GRM7: variants seen among roughly 807,000 people sequenced by gnomAD.
GRM7 encodes the protein glutamate metabotropic receptor 7, also known as metabotropic glutamate receptor 7.
Under a neutral mutation model 84.5 loss-of-function variants are expected in GRM7, and 35 were observed. That is an observed-to-expected ratio of 0.41 (90% CI 0.32 to 0.55). The LOEUF (loss-of-function observed/expected upper bound fraction) is 0.55. Among genes scored for constraint, GRM7 ranks in the 20% least tolerant of loss-of-function variants. The pLI, the probability that GRM7 is intolerant of heterozygous loss-of-function variation, is 0.19. For synonymous variants in GRM7, 487 were observed against 455.1 expected, an observed-to-expected ratio of 1.07 and a Z score of -0.89; for missense variants, 1,003 against 1,194.6, an observed-to-expected ratio of 0.84 and a Z score of 2.36.
chr3:7,701,772 G>A (rs1248442625), intron 9 of GRM7, among the ~76,000 whole-genome samples: 2 of 152,158 alleles, frequency 1.3e-5, no homozygotes, highest in South Asian at 4.1e-4. Context: ...TGAACACTAA[G>A]TTCAACAGAA....
intron 2 of GRM7, among the ~76,000 whole-genome samples, chr3:7,275,871 T>C (rs1234575362): frequency 6.6e-6 from 1 of 152,108 alleles, no homozygotes; most frequent in East Asian, 1.9e-4. Context: ...AAGGCCCCCC[T>C]GAGTGTCTGT....
chr3:7,359,037 T>G (rs1159942398), intron 4 of GRM7, among the ~76,000 whole-genome samples: 1 of 146,544 alleles, frequency 6.8e-6, no homozygotes, highest in Non-Finnish European at 1.5e-5. Flanking sequence ...GAGGATCACT[T>G]GAACCAGGAA....
chr3:6,868,636 TCACTC>T (rs1412518721), intron 1 of GRM7, among the ~76,000 whole-genome samples: 2 of 152,176 alleles, frequency 1.3e-5, no homozygotes, highest in Non-Finnish European at 2.9e-5. Flanking sequence ...TTCATTTCGT[TCACTC>T]CACCCTTTCT....
chr3:7,070,205 T>C (rs1490399516), intron 1 of GRM7, among the ~76,000 whole-genome samples: 1 of 152,140 alleles, frequency 6.6e-6, no homozygotes, highest in Non-Finnish European at 1.5e-5. Context: ...AAATGTATAA[T>C]TATCAGAATA....
chr3:6,874,750 A>G (rs1381139308), intron 1 of GRM7, among the ~76,000 whole-genome samples: 1 of 152,150 alleles, frequency 6.6e-6, no homozygotes, highest in Non-Finnish European at 1.5e-5. Flanking sequence ...AAGCTTCTTG[A>G]TTTCCATATC....
At chr3:7,003,319 A>G (rs1695076312) in intron 1 of GRM7, among the ~76,000 whole-genome samples, 1 of 152,336 alleles carries the variant, frequency 6.6e-6, no homozygotes, top group African/African-American at 2.4e-5. Context: ...TCTTTCTACA[A>G]TGTATGCATA....
chr3:6,908,241 G>C (rs992569832), intron 1 of GRM7, among the ~76,000 whole-genome samples: 8 of 152,194 alleles, frequency 5.3e-5, no homozygotes, highest in African/African-American at 1.9e-4. Context: ...TGCCGGTTGA[G>C]CCTTTATTTT....
rs191127361 is a variant in GRM7, at chr3:7,059,376, G to A, written c.520-87076G>A. Among the ~76,000 whole-genome samples, 161 of 151,610 alleles carry A rather than the reference G, an allele frequency of 1.1e-3. 1 individual carries two copies. Among genetic ancestry groups the A allele is most frequent in the African/African-American group, 3.5e-3 (145 of 41,406 alleles). On this transcript the variant is annotated intron_variant, in intron 1 of 9. Transcript: ENST00000357716. Reference sequence around the variant, plus strand: ...CTCCTTCTTCTTTCCCCCTACCATTGTTTAAGCCACAGATTTTTAAAACTA... The same window carrying A: ...CTCCTTCTTCTTTCCCCCTACCATTATTTAAGCCACAGATTTTTAAAACTA...
chr3:7,139,387 A>T (rs1693873068), intron 1 of GRM7, among the ~76,000 whole-genome samples: 1 of 151,824 alleles, frequency 6.6e-6, no homozygotes, highest in South Asian at 2.1e-4. Context: ...ATAAAAATGA[A>T]AAACTTAGTT....
intron 7 of GRM7, among the ~76,000 whole-genome samples, chr3:7,465,729 CA>C (rs1268310464): frequency 1.3e-5 from 2 of 151,926 alleles, no homozygotes; most frequent in Non-Finnish European, 2.9e-5. Context: ...TACATCATCT[CA>C]AGCAAATGAA....
At chr3:7,673,153 A>G (rs907966391) in intron 8 of GRM7, among the ~76,000 whole-genome samples, 1 of 152,196 alleles carries the variant, frequency 6.6e-6, no homozygotes, top group African/African-American at 2.4e-5. Context: ...TTTGATCCCA[A>G]CAGCGTTATG....
chr3:6,877,200 C>T (rs9814733), intron 1 of GRM7, among the ~76,000 whole-genome samples: 12,012 of 152,202 alleles, frequency 0.079, 608 homozygotes, highest in Non-Finnish European at 0.11. Flanking sequence ...TTAAACTTCC[C>T]ACAGCAGGCA....
chr3:7,076,674 A>C (rs1247139264), intron 1 of GRM7, among the ~76,000 whole-genome samples: 1 of 152,172 alleles, frequency 6.6e-6, no homozygotes, highest in African/African-American at 2.4e-5. Flanking sequence ...TCCTTAGGCA[A>C]GTATGTTCCA....
At chr3:7,539,436 G>A (rs145283028) in intron 7 of GRM7, among the ~76,000 whole-genome samples, 88 of 152,194 alleles carry the variant, frequency 5.8e-4, no homozygotes, top group African/African-American at 2.1e-3. Flanking sequence ...CAGCACTTTG[G>A]GAGGCCGAGG....
intron 1 of GRM7, among the ~76,000 whole-genome samples, chr3:6,931,289 C>T (rs1284181994): frequency 6.6e-6 from 1 of 151,986 alleles, no homozygotes; most frequent in Non-Finnish European, 1.5e-5. Flanking sequence ...GTGGAGAATG[C>T]CGTGACTTAC....
intron 8 of GRM7, among the ~76,000 whole-genome samples, chr3:7,676,671 T>G (rs1700135939): frequency 6.6e-6 from 1 of 152,048 alleles, no homozygotes; most frequent in Admixed American, 6.5e-5. Context: ...TGACCTCAGG[T>G]GATCTGCCCG....
intron 2 of GRM7, among the ~76,000 whole-genome samples, chr3:7,224,723 T>C (rs565465271): frequency 6.6e-6 from 1 of 152,280 alleles, no homozygotes; most frequent in African/African-American, 2.4e-5. Flanking sequence ...TTTCAAGAAA[T>C]TATGGAGAAC....
At chr3:7,417,633 A>C (rs1239135592) in intron 5 of GRM7, among the ~76,000 whole-genome samples, 3 of 152,074 alleles carry the variant, frequency 2.0e-5, no homozygotes, top group African/African-American at 7.2e-5. Flanking sequence ...GAATACAATG[A>C]ATGTTTTTAT....
At chr3:6,988,163 A>ATTTTTT (rs760807880) in intron 1 of GRM7, among the ~76,000 whole-genome samples, 1 of 95,284 alleles carries the variant, frequency 1.0e-5, no homozygotes, top group African/African-American at 5.4e-5. Context: ...CGCCTGGCTA[A>ATTTTTT]TTTTTTTTTT....
Sources: allele counts gnomAD v4.1 joint callset (sites outside exome capture counted in the v4.1 genomes callset), GRCh38; gene constraint gnomAD v4.1.1; transcripts MANE v1.5; gene names NCBI Gene and HGNC (gene_info 2026-07-23, HGNC 2026-07-21).